The following ABCC4 variants were observed in gnomAD, a reference collection of about 807,000 sequenced individuals.
ABCC4 encodes ATP binding cassette subfamily C member 4 (PEL blood group), also known as ATP-binding cassette sub-family C member 4.
ABCC4 carries 102 observed loss-of-function variants against 168.5 expected under a neutral mutation model. The ratio of observed to expected loss-of-function variants is 0.61; its 90% confidence interval spans 0.52 to 0.71. ABCC4 has a LOEUF of 0.71. ABCC4 is among the 30% of genes least tolerant of loss of function. The pLI is 0.00. For synonymous variants in ABCC4, 617 were observed against 590.7 expected (o/e 1.04, Z -0.65); for missense variants, 1,402 against 1,605.8 (o/e 0.87, Z 2.17).
chr13:95,084,916 G>A (rs1232032574), intron 20 of ABCC4, among the ~76,000 whole-genome samples: 2 of 152,202 alleles, frequency 1.3e-5, no homozygotes, highest in Non-Finnish European at 2.9e-5. Flanking sequence ...GCTCATTTCA[G>A]TATTCATCTT....
rs745396448 is a variant in ABCC4, at chr13:95,206,702, T to C, written c.991A>G (p.Ile331Val). Residue 331 changes from isoleucine to valine, a missense_variant, in exon 8 of 31, where the codon ATC (isoleucine) becomes GTC (valine). Ile to Val is a conservative substitution (Grantham distance 29). Transcript: ENST00000645237. ...LASFFSASKI[I>V]VFVTFTTYVL... is the part of the protein sequence containing the mutation. ...TAGGTGGTGAAGGTCACAAACACGA[T>C]GATTTTGCTTGCACTGAAAAATGAA... 5 of 1,614,158 alleles carry C rather than the reference T, an allele frequency of 3.1e-6. No individual in the cohort carries two copies. The highest frequency in any genetic ancestry group is 4.5e-5 in the East Asian group (2 of 44,874).
intron 7 of ABCC4, among the ~76,000 whole-genome samples, 175 bp downstream of exon 7, chr13:95,207,625 A>C: frequency 6.6e-6 from 1 of 152,234 alleles, no homozygotes; most frequent in East Asian, 1.9e-4. Context: ...ATGGAAGACC[A>C]AGTGAAAATA....
chr13:95,049,658 A>C (rs2032745413), intron 27 of ABCC4, among the ~76,000 whole-genome samples: 1 of 151,518 alleles, frequency 6.6e-6, no homozygotes, highest in African/African-American at 2.4e-5. Context: ...TAAATAAATA[A>C]ATAAAAATAA....
intron 26 of ABCC4, among the ~76,000 whole-genome samples, chr13:95,060,902 C>G (rs962911135): frequency 3.9e-5 from 6 of 152,122 alleles, no homozygotes; most frequent in Non-Finnish European, 8.8e-5. Flanking sequence ...AACTCCCAAC[C>G]CCCCACCTTC....
intron 30 of ABCC4, among the ~76,000 whole-genome samples, chr13:95,027,422 T>C (rs946020473): frequency 6.6e-6 from 1 of 152,216 alleles, no homozygotes; most frequent in Non-Finnish European, 1.5e-5. Flanking sequence ...TATTCCATTG[T>C]ATTCTATTTT....
intron 1 of ABCC4, among the ~76,000 whole-genome samples, chr13:95,300,705 G>A (rs1014254358): frequency 6.6e-6 from 1 of 152,138 alleles, no homozygotes; most frequent in Non-Finnish European, 1.5e-5. Context: ...GGACACTACT[G>A]GGAGATGGCA....
At chr13:95,270,361 A>T (rs1349598343) in intron 1 of ABCC4, among the ~76,000 whole-genome samples, 2 of 125,698 alleles carry the variant, frequency 1.6e-5, no homozygotes, top group Non-Finnish European at 3.2e-5. Flanking sequence ...AAAAAAAGAA[A>T]GAAAAGAAAA....
chr13:95,117,779 T>TAA (rs536835855), intron 19 of ABCC4, among the ~76,000 whole-genome samples: 1 of 137,602 alleles, frequency 7.3e-6, no homozygotes. Context: ...ATATTCAAAT[T>TAA]AAAAAAAAAA....
intron 29 of ABCC4, 145 bp downstream of exon 29, chr13:95,043,537 G>A: frequency 1.8e-6 from 1 of 571,170 alleles, no homozygotes; most frequent in Non-Finnish European, 3.1e-6. Context: ...GTGTAGTTAA[G>A]CATATGAATT....
At chr13:95,240,388 G>A (rs955296143) in intron 3 of ABCC4, among the ~76,000 whole-genome samples, 16 of 151,256 alleles carry the variant, frequency 1.1e-4, no homozygotes, top group African/African-American at 2.4e-4. Context: ...AAAATTACCC[G>A]GGCATGGTGG....
chr13:95,283,688 T>C (rs9524887), intron 1 of ABCC4, among the ~76,000 whole-genome samples: 111,397 of 151,234 alleles, frequency 0.74, 41,645 homozygotes, highest in Middle Eastern at 0.87. Flanking sequence ...GAGGCCGAGG[T>C]GGGTGGATCA....
chr13:95,128,637 C>T (rs576814301), intron 19 of ABCC4, among the ~76,000 whole-genome samples: 26 of 152,154 alleles, frequency 1.7e-4, no homozygotes, highest in Non-Finnish European at 3.4e-4. Context: ...GACTCAGAAC[C>T]TACCTTTCAC....
chr13:95,200,203 G>C (rs1205097110), intron 8 of ABCC4, among the ~76,000 whole-genome samples: 1 of 152,202 alleles, frequency 6.6e-6, no homozygotes, highest in Non-Finnish European at 1.5e-5. Flanking sequence ...ACATTGTAGA[G>C]TCAATGACTA....
At chr13:95,139,459 G>A (rs535941142) in intron 19 of ABCC4, among the ~76,000 whole-genome samples, 15 of 152,308 alleles carry the variant, frequency 9.8e-5, no homozygotes, top group Admixed American at 3.9e-4. Flanking sequence ...TTACAGAGAA[G>A]CATGAGGGCA....
intron 20 of ABCC4, chr13:95,096,083 C>A: frequency 2.0e-6 from 1 of 488,474 alleles, no homozygotes; most frequent in South Asian, 3.6e-5. Context: ...TGGCTCATGC[C>A]TATAATCCCA....
intron 8 of ABCC4, among the ~76,000 whole-genome samples, chr13:95,204,120 C>T (rs377530980): frequency 6.6e-6 from 1 of 152,138 alleles, no homozygotes; most frequent in Non-Finnish European, 1.5e-5. Flanking sequence ...AGGGAGGACA[C>T]CCCAGCCACA....
chr13:95,192,689 G>A lies in ABCC4; in HGVS notation c.1263+2147C>T, dbSNP rs139631912. ...TCCCAGCACTTTGGGAGGCCAAGGC[G>A]GGCAGATCACTTGAGGCCAGAAATT... On this transcript the variant is annotated intron_variant, in intron 9 of 30. Transcript: ENST00000645237. Among the ~76,000 whole-genome samples the A allele has an allele frequency of 4.3e-3, 656 of 152,188 alleles. 7 individuals are homozygous for A. The highest frequency in any genetic ancestry group is 0.015 in the African/African-American group (617 of 41,514).
chr13:95,150,540 C>T (rs1042335448), intron 19 of ABCC4, among the ~76,000 whole-genome samples: 2 of 151,566 alleles, frequency 1.3e-5, no homozygotes, highest in South Asian at 2.1e-4. Flanking sequence ...TGAAGCTTGT[C>T]GAGTCTTTAT....
At chr13:95,220,157 T>C (rs4771908) in intron 4 of ABCC4, among the ~76,000 whole-genome samples, 112,918 of 151,924 alleles carry the variant, frequency 0.74, 42,822 homozygotes, top group Non-Finnish European at 0.84. Context: ...TGAACCAACG[T>C]GCCCAGCCTG....
Sources: gnomAD v4.1 joint callset for allele counts (sites outside exome capture counted in the v4.1 genomes callset) on GRCh38, gnomAD v4.1.1 for gene constraint, MANE v1.5 for transcripts, NCBI Gene and HGNC (gene_info 2026-07-23, HGNC 2026-07-21) for gene names.